TOX4: variants seen among roughly 807,000 people sequenced by gnomAD.
The protein encoded by TOX4 is TOX high mobility group box family member 4.
A neutral mutation model predicts 61.0 loss-of-function variants in TOX4; 12 were observed. The observed-to-expected ratio is 0.20, with a 90% CI of 0.13 to 0.32. The LOEUF is 0.32. TOX4 is among the 10% of genes least tolerant of loss of function. The probability of loss-of-function intolerance (pLI) is 1.00; values close to 1 mark genes in which losing one functional copy is unlikely to be tolerated. For synonymous variants in TOX4, 268 were observed against 274.8 expected, an observed-to-expected ratio of 0.98 and a Z score of 0.24; for missense variants, 499 against 753.3, an observed-to-expected ratio of 0.66 and a Z score of 3.95.
At chr14:21,486,727 C>G (rs911926363) in intron 2 of TOX4, among the ~76,000 whole-genome samples, 1 of 152,174 alleles carries the variant, frequency 6.6e-6, no homozygotes, top group African/African-American at 2.4e-5. Context: ...TATTATTGAC[C>G]TAGTTGGACT....
chr14:21,492,761 C>T lies in TOX4; in HGVS notation c.1145C>T (p.Ser382Phe). Residue 382 changes from serine to phenylalanine, a missense_variant, in exon 7 of 9, where the codon TCT becomes TTT. Physicochemically the swap from Ser to Phe is radical, Grantham distance 155. This residue lies in a region of TOX4 where 296 missense variants were observed against 404.7 expected (regional missense o/e 0.73). Coordinates refer to ENST00000448790, the MANE Select transcript of TOX4 (RefSeq NM_014828.4). The part of the protein sequence containing the change: ...KQMLPSSITM[S>F]QGGMVTVIPA... The stretch of plus-strand genomic sequence containing the variant: ...ATGTTGCCCTCTTCTATTACTATGT[C>T]TCAAGGAGGGATGGTTACTGTTATC... The T allele has an allele frequency of 6.2e-7, 1 of 1,614,144 alleles. No homozygotes were observed. The highest frequency in any genetic ancestry group is 8.5e-7 in the Non-Finnish European group (1 of 1,180,022).
intron 2 of TOX4, among the ~76,000 whole-genome samples, chr14:21,479,354 T>A (rs1015509148): frequency 4.6e-5 from 7 of 150,650 alleles, no homozygotes; most frequent in Non-Finnish European, 8.9e-5. Context: ...TAATTAATTT[T>A]AAAAAAACAG....
intron 2 of TOX4, among the ~76,000 whole-genome samples, chr14:21,480,947 G>A (rs9671703): frequency 5.3e-5 from 8 of 151,954 alleles, no homozygotes; most frequent in Admixed American, 5.2e-4. Context: ...AAAATTAGCC[G>A]GGTGTGGCAG....
rs932705478 is a variant in TOX4 at position 21,492,854 on chromosome 14, G to A, written c.1238G>A (p.Ser413Asn). The change falls in exon 7 of 9, where the codon AGT (serine) becomes AAT (asparagine). Residue 413 changes from serine to asparagine, a missense_variant. Physicochemically the swap from Ser to Asn is conservative, Grantham distance 46. Transcript: ENST00000448790. ...GQTSTATIQP[S>N]QQAQIVTRSV... Reference sequence around the variant, plus strand: ...ACCAGTACAGCTACTATCCAGCCCAGTCAACAAGCCCAGATTGTCACTCGG... The same window carrying A: ...ACCAGTACAGCTACTATCCAGCCCAATCAACAAGCCCAGATTGTCACTCGG... 2 of 1,613,444 alleles carry A rather than the reference G, an allele frequency of 1.2e-6. No homozygotes were observed. The highest frequency in any genetic ancestry group is 2.7e-5 in the African/African-American group (2 of 74,866).
In TOX4 at chr14:21,499,021, T is replaced by G; in HGVS notation, c.*2415T>G. The G allele has an allele frequency of 6.2e-7, 1 of 1,607,674 alleles. No individual in the cohort carries two copies. The highest frequency in any genetic ancestry group is 8.5e-7 in the Non-Finnish European group (1 of 1,174,178). On this transcript the variant is annotated 3_prime_UTR_variant, in exon 9 of 9. Transcript: ENST00000448790. Reference sequence around the variant, plus strand: ...AGGACTAGCCTGTTCTCTGGTCACCTTACCAGTTGGGTTGCACATTGTGTG... The same window carrying G: ...AGGACTAGCCTGTTCTCTGGTCACCGTACCAGTTGGGTTGCACATTGTGTG...
chr14:21,484,579 AC>A lies in TOX4; in HGVS notation c.76-2870del, dbSNP rs1891167415. Among the ~76,000 whole-genome samples, 2 of 97,882 alleles carry A rather than the reference AC, an allele frequency of 2.0e-5. 1 individual carries two copies. The highest frequency in any genetic ancestry group is 4.4e-5 in the Non-Finnish European group (2 of 45,158). 64.2% of individuals were successfully genotyped at this position (97,882 alleles called of 152,430 possible). ...TGGCCAGGCTGGTCTCGAACTCTTG[AC>A]CTCAGGTGGTCCACCCACCTCGGCC... On this transcript the variant is annotated intron_variant, in intron 2 of 8. Transcript: ENST00000448790.
intron 2 of TOX4, among the ~76,000 whole-genome samples, chr14:21,479,216 C>T (rs1891066335): frequency 6.7e-6 from 1 of 148,252 alleles, no homozygotes; most frequent in African/African-American, 2.5e-5. Flanking sequence ...AAATCTGGGC[C>T]CAGCACAGTA....
chr14:21,492,434 T>C (rs1891310829), intron 6 of TOX4, 58 bp downstream of exon 6: 2 of 1,610,446 alleles, frequency 1.2e-6, no homozygotes, highest in Non-Finnish European at 1.7e-6. Context: ...TTGGAAGTGT[T>C]TGTTAGCAGT....
Position 21,492,677 on chromosome 14 carries a change from A to G in TOX4, c.1061A>G (p.Gln354Arg). The change falls in exon 7 of 9, where the codon CAG (glutamine) becomes CGG (arginine). Residue 354 changes from glutamine (Q) to arginine (R), a missense_variant. Physicochemically the swap from Gln to Arg is conservative, Grantham distance 43 (BLOSUM62 1). Coordinates refer to ENST00000448790, the MANE Select transcript of TOX4 (RefSeq NM_014828.4). ...ACCCTTTCATCCTATGTGGCAAACC[A>G]GGCATCTTCTGGAGCTGGGGGTCAG... ...NSTLSSYVAN[Q>R]ASSGAGGQPN... 6.2e-7 allele frequency: 1 copy of G among 1,614,072 alleles called. No homozygotes were observed. The highest frequency in any genetic ancestry group is 8.5e-7 in the Non-Finnish European group (1 of 1,180,010).
intron 7 of TOX4, among the ~76,000 whole-genome samples, 195 bp from the exon 8 acceptor site, chr14:21,495,034 C>T (rs150121538): frequency 1.6e-3 from 244 of 152,230 alleles, no homozygotes; most frequent in African/African-American, 5.8e-3. Context: ...GAATCTTCCA[C>T]CATTCTGCTT....
rs1233795988 is a variant in TOX4, at chr14:21,477,581, G to A, written c.75+17G>A. On this transcript the variant is annotated intron_variant, in intron 2 of 8. Transcript: ENST00000448790. The stretch of plus-strand genomic sequence containing the variant: ...GGGGCCGAGGTGAGCCAGAGCTGCC[G>A]ACGCCGCGGGGGTAGGGCCTGAGGC... 18 of 1,613,092 alleles carry A rather than the reference G, an allele frequency of 1.1e-5. No homozygotes were observed. The highest frequency in any genetic ancestry group is 1.4e-5 in the Non-Finnish European group (17 of 1,179,990).
In TOX4 at chr14:21,498,919, A is replaced by G. The variant is rs1359338346; in HGVS notation, c.*2313A>G. Reference sequence around the variant, plus strand: ...CTTAAGTGGCTTATGAATCCTGTGAAGCTCATTTATGGACTAGTGTAAAAC... The same window carrying G: ...CTTAAGTGGCTTATGAATCCTGTGAGGCTCATTTATGGACTAGTGTAAAAC... On this transcript the variant is annotated 3_prime_UTR_variant, in exon 9 of 9. Coordinates refer to ENST00000448790, the MANE Select transcript of TOX4 (RefSeq NM_014828.4). 1 of 730,638 alleles carries G rather than the reference A, an allele frequency of 1.4e-6. No individual in the cohort carries two copies. The highest frequency in any genetic ancestry group is 2.4e-6 in the Non-Finnish European group (1 of 420,028). 45.3% of individuals were successfully genotyped at this position (730,638 alleles called of 1,614,324 possible).
intron 2 of TOX4, among the ~76,000 whole-genome samples, chr14:21,483,219 T>A (rs1284816109): frequency 6.6e-6 from 1 of 152,186 alleles, no homozygotes; most frequent in Non-Finnish European, 1.5e-5. Context: ...ACAAATAGTA[T>A]CATTTTTATA....
rs944494265 is a variant in TOX4, at chr14:21,479,460, C to T, written c.75+1896C>T. ...GGTCAGGAGTTCGAGACCAGCCTGA[C>T]CAACATGTGAAACCCCATCTCTACT... On this transcript the variant is annotated intron_variant, in intron 2 of 8. Coordinates refer to ENST00000448790, the MANE Select transcript of TOX4 (RefSeq NM_014828.4). Among the ~76,000 whole-genome samples, 3 of 151,800 alleles carry T rather than the reference C, an allele frequency of 2.0e-5. No individual in the cohort carries two copies. The East Asian group carries it at 5.8e-4, about 29-fold the overall frequency.
chr14:21,483,735 GA>G (rs2139620250), intron 2 of TOX4, among the ~76,000 whole-genome samples: 1 of 148,070 alleles, frequency 6.8e-6, no homozygotes. Flanking sequence ...GTACTACTGA[GA>G]AAAGTTCAGT....
In TOX4 at chr14:21,488,469, G is replaced by A. The variant is rs1484114770; in HGVS notation, c.319-121G>A. 7.3e-6 allele frequency: 7 copies of A among 953,668 alleles called. No homozygotes were observed. In the South Asian group the frequency reaches 1.1e-4, roughly 16 times the overall value. The allele number at this position is 953,668 out of a possible 1,614,324, so 59.1% of individuals were successfully genotyped here. A position where few individuals can be genotyped will look rare whatever the true frequency, so the allele number is the denominator to read the frequency against. ...TTTTCATTTTTGAAGACTATTTTAT[G>A]TTTTGTATTTTAAATGATACAATTT... is the stretch of plus-strand genomic sequence containing the variant. On this transcript the variant is annotated intron_variant, in intron 3 of 8. Transcript: ENST00000448790.
chr14:21,493,760 G>GTTTT (rs1447606963), intron 7 of TOX4, among the ~76,000 whole-genome samples: 1 of 151,078 alleles, frequency 6.6e-6, no homozygotes, highest in African/African-American at 2.4e-5. Flanking sequence ...GTTTTGTTTT[G>GTTTT]TTTTTCTTGA....
chr14:21,498,823 T>C lies in TOX4; in HGVS notation c.*2217T>C, dbSNP rs1891479199. ...GAGTAGAAACCCTAGGGAGCAGTGC[T>C]TTTGGGTCCTAGAACCTGTTGAGTT... On this transcript the variant is annotated 3_prime_UTR_variant, in exon 9 of 9. Transcript: ENST00000448790. The C allele has an allele frequency of 1.8e-6, 1 of 558,444 alleles. No individual in the cohort carries two copies. Among genetic ancestry groups the C allele is most frequent in the African/African-American group, 1.9e-5 (1 of 53,042 alleles). 34.6% of individuals were successfully genotyped at this position (558,444 alleles called of 1,614,324 possible). A position where few individuals can be genotyped will look rare whatever the true frequency, so the allele number is the denominator to read the frequency against.
chr14:21,489,438 C>T (rs373162886), intron 5 of TOX4, 35 bp downstream of exon 5: 2 of 1,558,966 alleles, frequency 1.3e-6, no homozygotes, highest in South Asian at 2.4e-5. Flanking sequence ...AGTGAATGTT[C>T]CAGAAGTTTT....
Sources: allele counts gnomAD v4.1 joint callset (sites outside exome capture counted in the v4.1 genomes callset), GRCh38; gene constraint gnomAD v4.1.1; regional missense constraint gnomAD v4.1.1; transcripts MANE v1.5; gene names NCBI Gene and HGNC (gene_info 2026-07-23, HGNC 2026-07-21).